Variants in DNER observed in about 807,000 individuals in gnomAD.
DNER encodes the protein delta and Notch-like epidermal growth factor-related receptor.
Under a neutral mutation model 78.2 loss-of-function variants are expected in DNER, and 33 were observed. That is an observed-to-expected ratio of 0.42 (90% CI 0.32 to 0.56). The LOEUF (loss-of-function observed/expected upper bound fraction) is 0.56. Among genes scored for constraint, DNER ranks in the 20% least tolerant of loss-of-function variants. The probability of loss-of-function intolerance (pLI) is 0.11; values close to 1 mark genes in which losing one functional copy is unlikely to be tolerated. For synonymous variants in DNER, 417 were observed against 384.8 expected (o/e 1.08, Z -0.98); for missense variants, 918 against 975.3 (o/e 0.94, Z 0.78).
intron 5 of DNER, among the ~76,000 whole-genome samples, chr2:229,530,630 G>A (rs73998266): frequency 1.0e-3 from 155 of 152,320 alleles, no homozygotes; most frequent in African/African-American, 3.7e-3. Flanking sequence ...AGCAGCTGCC[G>A]AATTCCAGGG....
chr2:229,630,815 C>T (rs1698422617), intron 1 of DNER, among the ~76,000 whole-genome samples: 1 of 152,022 alleles, frequency 6.6e-6, no homozygotes, highest in East Asian at 1.9e-4. Context: ...TTGTAGTCCC[C>T]AATGTCTATT....
intron 7 of DNER, among the ~76,000 whole-genome samples, chr2:229,476,030 G>A (rs2154211281): frequency 6.6e-6 from 1 of 152,304 alleles, no homozygotes; most frequent in Middle Eastern, 3.4e-3. Context: ...ATTTGTTTAA[G>A]GGAGCTGAGC....
At chr2:229,465,558 C>T (rs762067845) in intron 7 of DNER, among the ~76,000 whole-genome samples, 8 of 152,050 alleles carry the variant, frequency 5.3e-5, no homozygotes, top group Non-Finnish European at 1.2e-4. Context: ...ACACATCCTA[C>T]ACATGTATCC....
At chr2:229,703,006 C>T (rs1196336200) in intron 1 of DNER, among the ~76,000 whole-genome samples, 1 of 151,762 alleles carries the variant, frequency 6.6e-6, no homozygotes, top group Non-Finnish European at 1.5e-5. Flanking sequence ...CAATATGTGC[C>T]TGGGAGAACT....
At chr2:229,439,483 T>C (rs374274454) in intron 8 of DNER, among the ~76,000 whole-genome samples, 20 of 152,324 alleles carry the variant, frequency 1.3e-4, no homozygotes, top group African/African-American at 4.8e-4. Context: ...ATGGCACAGC[T>C]GTTCGGAGGC....
At chr2:229,513,001 A>G in intron 5 of DNER, 65 bp from the exon 6 acceptor site, 1 of 1,519,816 alleles carries the variant, frequency 6.6e-7, no homozygotes, top group Non-Finnish European at 8.8e-7. Context: ...TTTGGCTGTG[A>G]GACTCAAAGT....
intron 6 of DNER, among the ~76,000 whole-genome samples, chr2:229,511,071 G>C (rs985357055): frequency 6.6e-6 from 1 of 152,142 alleles, no homozygotes; most frequent in East Asian, 1.9e-4. Flanking sequence ...GTTTAGGTGG[G>C]AATAGATAAG....
In DNER at chr2:229,570,794, G is replaced by A. The variant is rs148257311; in HGVS notation, c.847+15064C>T. Reference sequence around the variant, plus strand: ...CAAAGAGGCAAAGCAGGTGGGGGAGGGAGTCCAGATGAGGGCGTGGCCAGT... The same window carrying A: ...CAAAGAGGCAAAGCAGGTGGGGGAGAGAGTCCAGATGAGGGCGTGGCCAGT... On this transcript the variant is annotated intron_variant, in intron 4 of 12. Transcript: ENST00000341772. Among the ~76,000 whole-genome samples the A allele has an allele frequency of 3.2e-3, 488 of 152,174 alleles. 4 individuals carry two copies. Among genetic ancestry groups the A allele is most frequent in the African/African-American group, 0.011 (454 of 41,520 alleles).
chr2:229,399,722 A>G (rs1693228067), intron 10 of DNER, among the ~76,000 whole-genome samples: 1 of 152,090 alleles, frequency 6.6e-6, no homozygotes, highest in African/African-American at 2.4e-5. Context: ...ATAGACCCAC[A>G]TAATATGGCC....
intron 1 of DNER, among the ~76,000 whole-genome samples, chr2:229,665,665 T>C (rs1292632746): frequency 6.6e-6 from 1 of 152,218 alleles, no homozygotes; most frequent in Non-Finnish European, 1.5e-5. Context: ...TACTCAATGT[T>C]AGATATAGTC....
At chr2:229,414,852 T>C (rs1277313718) in intron 9 of DNER, among the ~76,000 whole-genome samples, 1 of 152,144 alleles carries the variant, frequency 6.6e-6, no homozygotes, top group East Asian at 1.9e-4. Context: ...GGGCCTGGCC[T>C]AACCAGGTGA....
At chr2:229,584,775 A>G (rs930704415) in intron 4 of DNER, among the ~76,000 whole-genome samples, 5 of 152,124 alleles carry the variant, frequency 3.3e-5, no homozygotes, top group African/African-American at 4.8e-5. Flanking sequence ...CTAAAATACA[A>G]AACAAAAAAT....
intron 5 of DNER, among the ~76,000 whole-genome samples, chr2:229,524,643 C>A (rs1181636274): frequency 6.6e-6 from 1 of 152,178 alleles, no homozygotes; most frequent in Non-Finnish European, 1.5e-5. Flanking sequence ...CCCCATCCCC[C>A]AGTCTCTTTT....
At chr2:229,574,847 T>C (rs559278619) in intron 4 of DNER, among the ~76,000 whole-genome samples, 2 of 152,306 alleles carry the variant, frequency 1.3e-5, no homozygotes, top group South Asian at 4.2e-4. Context: ...GAGCAGAAAT[T>C]TGGCTATAAA....
At chr2:229,490,080 T>A (rs1489779907) in intron 6 of DNER, among the ~76,000 whole-genome samples, 1 of 152,054 alleles carries the variant, frequency 6.6e-6, no homozygotes, top group East Asian at 1.9e-4. Flanking sequence ...AGTGGACATA[T>A]GGAAGGAGCA....
At chr2:229,706,867 C>T (rs547762770) in intron 1 of DNER, among the ~76,000 whole-genome samples, 2 of 152,324 alleles carry the variant, frequency 1.3e-5, no homozygotes, top group East Asian at 3.9e-4. Flanking sequence ...TAAGCCGCCA[C>T]ACCCGGCCCA....
intron 1 of DNER, among the ~76,000 whole-genome samples, chr2:229,708,432 A>G (rs1478017085): frequency 1.3e-5 from 2 of 152,208 alleles, no homozygotes; most frequent in African/African-American, 4.8e-5. Flanking sequence ...CTGAGCACTA[A>G]TGTGGGGAAG....
intron 1 of DNER, among the ~76,000 whole-genome samples, chr2:229,597,112 CATG>C (rs909526349): frequency 1.9e-5 from 2 of 103,652 alleles, no homozygotes; most frequent in Non-Finnish European, 4.3e-5. Flanking sequence ...TGCACACACA[CATG>C]CACACACACA....
At chr2:229,444,282 C>T (rs115357190) in intron 8 of DNER, among the ~76,000 whole-genome samples, 2,983 of 152,246 alleles carry the variant, frequency 0.02, 51 homozygotes, top group Non-Finnish European at 0.03. Context: ...CTAGTCCATG[C>T]CAGGAAATGG....
Sources: gnomAD v4.1 joint callset for allele counts (sites outside exome capture counted in the v4.1 genomes callset) on GRCh38, gnomAD v4.1.1 for gene constraint, MANE v1.5 for transcripts, NCBI Gene and HGNC (gene_info 2026-07-23, HGNC 2026-07-21) for gene names.